INPP4B: variants seen among roughly 807,000 people sequenced by gnomAD.
The protein encoded by INPP4B is inositol polyphosphate-4-phosphatase type II B.
A neutral mutation model predicts 122.5 loss-of-function variants in INPP4B; 55 were observed. That is an observed-to-expected ratio of 0.45 (90% confidence interval 0.36 to 0.56). The LOEUF (loss-of-function observed/expected upper bound fraction) is 0.56, where lower values mean the gene tolerates loss of function less well. Among genes scored for constraint, INPP4B ranks in the 20% least tolerant of loss-of-function variants. The pLI, the probability that INPP4B is intolerant of heterozygous loss-of-function variation, is 0.00. For synonymous variants in INPP4B, 403 were observed against 388.7 expected (o/e 1.04, Z -0.43); for missense variants, 1,000 against 1,097.7 (o/e 0.91, Z 1.26).
chr4:142,137,212 G>C (rs1260267585), intron 18 of INPP4B, among the ~76,000 whole-genome samples: 1 of 151,714 alleles, frequency 6.6e-6, no homozygotes, highest in Non-Finnish European at 1.5e-5. Context: ...ACAGAACAGA[G>C]CCCTCAGAAA....
intron 2 of INPP4B, among the ~76,000 whole-genome samples, chr4:142,474,616 G>A (rs955048116): frequency 2.0e-5 from 3 of 152,098 alleles, no homozygotes; most frequent in East Asian, 1.9e-4. Flanking sequence ...TTGTTGCCCA[G>A]GAAAACACCC....
chr4:142,653,074 T>C (rs1015040621), intron 2 of INPP4B, among the ~76,000 whole-genome samples: 7 of 152,020 alleles, frequency 4.6e-5, no homozygotes, highest in Non-Finnish European at 1.0e-4. Flanking sequence ...ACACCACACA[T>C]CTACAACCAT....
chr4:142,328,412 C>A (rs928261278), intron 7 of INPP4B, among the ~76,000 whole-genome samples: 1 of 152,170 alleles, frequency 6.6e-6, no homozygotes, highest in African/African-American at 2.4e-5. Context: ...CCAATCAGAT[C>A]TGCAAGGTCA....
chr4:142,072,123 G>C (rs1042130298), intron 25 of INPP4B, among the ~76,000 whole-genome samples: 2 of 152,176 alleles, frequency 1.3e-5, no homozygotes, highest in Non-Finnish European at 2.9e-5. Flanking sequence ...TTAAGAAAAT[G>C]TGGCACATAT....
intron 23 of INPP4B, among the ~76,000 whole-genome samples, chr4:142,092,820 A>T (rs1450123215): frequency 1.3e-5 from 2 of 152,208 alleles, no homozygotes; most frequent in Non-Finnish European, 2.9e-5. Flanking sequence ...GTTGATTTAG[A>T]ATGAGGAAAG....
chr4:142,638,141 C>T (rs758597754), intron 2 of INPP4B, among the ~76,000 whole-genome samples: 21 of 152,188 alleles, frequency 1.4e-4, no homozygotes, highest in Middle Eastern at 3.4e-3. Flanking sequence ...TCTCCCAGTC[C>T]GTGGCTTGTC....
intron 1 of INPP4B, among the ~76,000 whole-genome samples, chr4:142,791,594 A>T (rs1249334385): frequency 1.3e-5 from 2 of 151,990 alleles, no homozygotes; most frequent in Admixed American, 1.3e-4. Context: ...ATGGGCCTTG[A>T]TTTCTTCTTG....
At chr4:142,254,131 G>T (rs1734231836) in intron 11 of INPP4B, among the ~76,000 whole-genome samples, 1 of 152,120 alleles carries the variant, frequency 6.6e-6, no homozygotes, top group Non-Finnish European at 1.5e-5. Flanking sequence ...CAACAGACCT[G>T]CAGCTGAGGG....
At chr4:142,044,456 G>A (rs1750165599) in intron 25 of INPP4B, among the ~76,000 whole-genome samples, 1 of 148,208 alleles carries the variant, frequency 6.7e-6, no homozygotes, top group Non-Finnish European at 1.5e-5. Context: ...CAAAGGAAAC[G>A]AGGTCACCAG....
intron 7 of INPP4B, among the ~76,000 whole-genome samples, chr4:142,332,883 T>C (rs952048385): frequency 1.6e-4 from 24 of 145,814 alleles, no homozygotes; most frequent in South Asian, 2.2e-4. Flanking sequence ...TGGTGGCGGG[T>C]GCCTATAGTC....
chr4:142,290,677 G>A (rs1756062053), intron 9 of INPP4B, among the ~76,000 whole-genome samples: 1 of 152,070 alleles, frequency 6.6e-6, no homozygotes, highest in South Asian at 2.1e-4. Flanking sequence ...CCCAACTGAT[G>A]TCTACATGGT....
At chr4:142,177,448 A>T (rs923144205) in intron 15 of INPP4B, among the ~76,000 whole-genome samples, 2 of 152,168 alleles carry the variant, frequency 1.3e-5, no homozygotes, top group African/African-American at 4.8e-5. Context: ...TAGTAGTATG[A>T]AATTTAAACT....
chr4:142,093,063 A>G (rs1239089923), intron 23 of INPP4B, among the ~76,000 whole-genome samples: 1 of 152,104 alleles, frequency 6.6e-6, no homozygotes, highest in African/African-American at 2.4e-5. Context: ...CCTGCCTGAT[A>G]ATTCTCTTGG....
chr4:142,767,287 G>A (rs1405132490), intron 1 of INPP4B, among the ~76,000 whole-genome samples: 1 of 152,168 alleles, frequency 6.6e-6, no homozygotes, highest in East Asian at 1.9e-4. Flanking sequence ...AAAATCTAAA[G>A]AAGCAGTATG....
intron 3 of INPP4B, among the ~76,000 whole-genome samples, chr4:142,437,071 T>C (rs951294559): frequency 1.3e-5 from 2 of 151,936 alleles, no homozygotes; most frequent in African/African-American, 2.4e-5. Flanking sequence ...GGAACATAAA[T>C]GACCTGGAGC....
chr4:142,507,202 A>T (rs78820341), intron 2 of INPP4B, among the ~76,000 whole-genome samples: 1,809 of 152,264 alleles, frequency 0.012, 36 homozygotes, highest in African/African-American at 0.041. Context: ...TGAAACAGTG[A>T]GATCCTTCAG....
At chr4:142,097,427 T>C (rs74513201) in intron 23 of INPP4B, among the ~76,000 whole-genome samples, 7 of 151,644 alleles carry the variant, frequency 4.6e-5, no homozygotes, top group Non-Finnish European at 1.0e-4. Flanking sequence ...GCTAATTTTT[T>C]GTATTTTTTA....
At chr4:142,050,071 T>G (rs1008581977) in intron 25 of INPP4B, among the ~76,000 whole-genome samples, 4 of 152,044 alleles carry the variant, frequency 2.6e-5, no homozygotes, top group African/African-American at 9.7e-5. Flanking sequence ...CATCAGGTGA[T>G]GAATTAATTA....
At chr4:142,610,238 C>T (rs898124738) in intron 2 of INPP4B, among the ~76,000 whole-genome samples, 3 of 152,074 alleles carry the variant, frequency 2.0e-5, no homozygotes, top group Admixed American at 6.6e-5. Context: ...CTCTTGCCTG[C>T]CACCATGTAA....
Sources: gnomAD v4.1 joint callset for allele counts (sites outside exome capture counted in the v4.1 genomes callset) on GRCh38, gnomAD v4.1.1 for gene constraint, MANE v1.5 for transcripts, NCBI Gene and HGNC (gene_info 2026-07-23, HGNC 2026-07-21) for gene names.